Variants in URGCP observed in about 807,000 individuals in gnomAD.
The protein encoded by URGCP is upregulator of cell proliferation, also known as up-regulator of cell proliferation.
URGCP carries 13 observed loss-of-function variants against 24.6 expected under a neutral mutation model. That is an observed-to-expected ratio of 0.53 (90% CI 0.34 to 0.84). The LOEUF (loss-of-function observed/expected upper bound fraction) is 0.84. Among genes scored for constraint, URGCP ranks in the 40% least tolerant of loss-of-function variants. URGCP has a pLI of 0.01. For synonymous variants in URGCP, 444 were observed against 487.2 expected (o/e 0.91, Z 1.17); for missense variants, 899 against 1,194.3 (o/e 0.75, Z 3.64).
chr7:43,881,146 C>G (rs1375807240), intron 5 of URGCP: 3 of 698,720 alleles, frequency 4.3e-6, no homozygotes, highest in Non-Finnish European at 7.8e-6. Context: ...CTTGTCCAGA[C>G]ATGGAATAAC....
chr7:43,905,725 C>G (rs992036243), intron 1 of URGCP: 60 of 152,120 alleles, frequency 3.9e-4, no homozygotes, highest in Middle Eastern at 3.2e-3. Context: ...ACAACTAAAG[C>G]GATGACCTTG....
At chr7:43,909,965 C>T (rs916897035), upstream of URGCP, among the ~76,000 whole-genome samples, 4 of 152,128 alleles carry the variant, frequency 2.6e-5, no homozygotes, top group South Asian at 4.2e-4. Flanking sequence ...ATTGCTTGAA[C>T]CCGGGAGGCA....
At position 43,879,157 on chromosome 7, in the gene URGCP, A is replaced by G. The variant is rs754680160; in HGVS notation, c.306T>C (p.Ser102=). ...GAACCTGAGGGGCCCAGTTCTTCATACTGTCAAAACTGATCTGCAGAGAGT... is the reference window on the plus strand; with the variant it reads ...GAACCTGAGGGGCCCAGTTCTTCATGCTGTCAAAACTGATCTGCAGAGAGT... ...LQDSLQISFD[S]MKNWAPQVPK... Residue 102 remains serine (S), a synonymous_variant, in exon 6 of 6, where the codon AGT becomes AGC. Transcript: ENST00000453200. The G allele has an allele frequency of 6.2e-7, 1 of 1,614,164 alleles. No individual in the cohort carries two copies. Among genetic ancestry groups the G allele is most frequent in the Non-Finnish European group, 8.5e-7 (1 of 1,180,034 alleles).
chr7:43,876,703 G>A lies in URGCP; in HGVS notation c.2760C>T (p.Asn920=), dbSNP rs771777894. The change falls in exon 6 of 6, where the codon AAC becomes AAT. Residue 920 remains asparagine (N), a synonymous_variant. Coordinates refer to ENST00000453200, the MANE Select transcript of URGCP (RefSeq NM_001077663.3). ...IRNGLSNQNK[N]IQQLIELVRR... ...TCACCAGCTCAATGAGCTGCTGGAT[G>A]TTTTTGTTTTGGTTCGACAAGCCGT... 1.1e-5 allele frequency: 17 copies of A among 1,614,204 alleles called. No individual in the cohort carries two copies. In the East Asian group the frequency reaches 3.1e-4, roughly 30 times the overall value.
intron 5 of URGCP, 130 bp from the exon 6 acceptor site, chr7:43,879,390 A>G: frequency 9.0e-7 from 1 of 1,112,852 alleles, no homozygotes; most frequent in Non-Finnish European, 1.3e-6. Flanking sequence ...GAGTGCAGGC[A>G]CAGGAGGCTC....
intron 1 of URGCP, among the ~76,000 whole-genome samples, chr7:43,896,765 G>A (rs2095879170): frequency 6.6e-6 from 1 of 152,098 alleles, no homozygotes; most frequent in Non-Finnish European, 1.5e-5. Flanking sequence ...ATAAAATGAG[G>A]CTGATCATCC....
upstream of URGCP, chr7:43,926,523 G>C (rs201484277): frequency 9.3e-5 from 143 of 1,532,784 alleles, no homozygotes; most frequent in Non-Finnish European, 2.0e-5. Context: ...GTCCCCGGCA[G>C]CGGGGTAGGA....
intron 3 of URGCP, among the ~76,000 whole-genome samples, chr7:43,885,690 C>T (rs2095861120): frequency 6.6e-6 from 1 of 152,146 alleles, no homozygotes; most frequent in African/African-American, 2.4e-5. Flanking sequence ...CAATAAGCAT[C>T]CAATAAGGCC....
intron 1 of URGCP, among the ~76,000 whole-genome samples, chr7:43,900,481 A>AAAAAAAAAAAAAAAAAAG (rs1554291222): frequency 6.8e-6 from 1 of 147,628 alleles, no homozygotes; most frequent in African/African-American, 2.5e-5. Context: ...AAAAAAAAAA[A>AAAAAAAAAAAAAAAAAAG]AAAAAGAAAA....
At chr7:43,919,480 T>C in intron 1 of URGCP, 4 of 1,103,948 alleles carry the variant, frequency 3.6e-6, no homozygotes, top group South Asian at 2.5e-5. Context: ...GCCTCACTCA[T>C]TCCCACCCCA....
upstream of URGCP, chr7:43,926,591 TC>T: frequency 6.4e-7 from 1 of 1,551,664 alleles, no homozygotes; most frequent in Non-Finnish European, 8.7e-7. Context: ...TCTTTGGGTG[TC>T]CGAAGCGTCG....
chr7:43,898,365 C>T (rs1245263168), intron 1 of URGCP, among the ~76,000 whole-genome samples: 4 of 152,248 alleles, frequency 2.6e-5, no homozygotes, highest in African/African-American at 7.2e-5. Context: ...GAGAGAGCTC[C>T]GATTTGTAGT....
intron 1 of URGCP, among the ~76,000 whole-genome samples, chr7:43,903,868 C>T (rs1055050115): frequency 1.2e-4 from 19 of 152,168 alleles, no homozygotes; most frequent in African/African-American, 3.9e-4. Context: ...TTGGGACTAG[C>T]GGAGATGGAT....
chr7:43,878,429 C>T lies in URGCP; in HGVS notation c.1034G>A (p.Trp345Ter), dbSNP rs2095848745. The T allele has an allele frequency of 6.2e-7, 1 of 1,614,048 alleles. No individual in the cohort carries two copies. Among genetic ancestry groups the T allele is most frequent in the Non-Finnish European group, 8.5e-7 (1 of 1,180,046 alleles). Reference sequence around the variant, plus strand: ...TTCTGTCAAGAGCTTAAACTGCAGCCAGTGAGACCCGATGTCACCTCTCAG... The same window carrying T: ...TTCTGTCAAGAGCTTAAACTGCAGCTAGTGAGACCCGATGTCACCTCTCAG... ...LNLRGDIGSHWLQFKLLTEIS... is the reference protein window; with the variant it reads ...LNLRGDIGSH Residue 345 changes from tryptophan to a stop codon, truncating the protein, a stop_gained, in exon 6 of 6, where the codon TGG becomes TAG. Coordinates refer to ENST00000453200, the MANE Select transcript of URGCP (RefSeq NM_001077663.3). LOFTEE classifies it low-confidence loss of function (END_TRUNC). This position sits in a 1 kb window ranked among gnomAD's most constrained non-coding sequence, Gnocchi z 5.6.
intron 1 of URGCP, among the ~76,000 whole-genome samples, chr7:43,897,101 G>A (rs1331098803): frequency 6.6e-5 from 10 of 152,126 alleles, no homozygotes; most frequent in Admixed American, 6.5e-4. Flanking sequence ...TACTGGGGAG[G>A]CTGAGGTGGG....
intron 1 of URGCP, among the ~76,000 whole-genome samples, chr7:43,920,749 C>T (rs1378562596): frequency 1.3e-5 from 2 of 152,100 alleles, no homozygotes; most frequent in Admixed American, 1.3e-4. Flanking sequence ...TTGAGAAGAA[C>T]AGAAAAGGTG....
At chr7:43,908,052 A>G (rs1488222191), upstream of URGCP, among the ~76,000 whole-genome samples, 1 of 152,192 alleles carries the variant, frequency 6.6e-6, no homozygotes, top group African/African-American at 2.4e-5. Flanking sequence ...TCAAGGGAGT[A>G]ATGAAATGAA....
intron 1 of URGCP, among the ~76,000 whole-genome samples, chr7:43,924,636 T>C (rs1486167626): frequency 2.0e-5 from 3 of 152,204 alleles, no homozygotes; most frequent in African/African-American, 2.4e-5. Context: ...TGACTTGGGC[T>C]GTTCAATGGG....
intron 1 of URGCP, among the ~76,000 whole-genome samples, chr7:43,899,961 C>G (rs1217008192): frequency 6.6e-6 from 1 of 152,016 alleles, no homozygotes; most frequent in Non-Finnish European, 1.5e-5. Context: ...ATAGTAAGAC[C>G]CTGTCTCTAC....
Sources: allele counts gnomAD v4.1 joint callset (sites outside exome capture counted in the v4.1 genomes callset), GRCh38; gene constraint gnomAD v4.1.1; non-coding constraint Gnocchi (gnomAD v3.1); transcripts MANE v1.5; gene names NCBI Gene and HGNC (gene_info 2026-07-23, HGNC 2026-07-21).